DIS3L2: variants seen among roughly 807,000 people sequenced by gnomAD.
DIS3L2 encodes the protein DIS3 like 3'-5' exoribonuclease 2.
In DIS3L2, 34 loss-of-function variants were observed where a neutral mutation model predicts 97.5. The ratio of observed to expected loss-of-function variants is 0.35; its 90% confidence interval spans 0.27 to 0.46. The LOEUF is 0.46. Ranked by LOEUF, DIS3L2 falls within the 20% of genes least tolerant of loss-of-function variation. DIS3L2 has a pLI of 1.00. For synonymous variants in DIS3L2, 435 were observed against 445.2 expected (o/e 0.98, Z 0.29); for missense variants, 1,038 against 1,146.0 (o/e 0.91, Z 1.36).
chr2:232,159,506 G>C (rs1328943269), intron 8 of DIS3L2, among the ~76,000 whole-genome samples: 1 of 152,170 alleles, frequency 6.6e-6, no homozygotes, highest in Non-Finnish European at 1.5e-5. Context: ...ATAAAGAGAG[G>C]CCAGGCATTA....
intron 9 of DIS3L2, among the ~76,000 whole-genome samples, chr2:232,185,981 C>CT (rs991931579): frequency 1.8e-4 from 27 of 151,102 alleles, no homozygotes; most frequent in African/African-American, 3.4e-4. Flanking sequence ...AAAGCTGGTT[C>CT]TTTTTTTTTA....
chr2:232,171,298 T>C (rs1690983347), intron 9 of DIS3L2, among the ~76,000 whole-genome samples: 1 of 152,228 alleles, frequency 6.6e-6, no homozygotes, highest in African/African-American at 2.4e-5. Flanking sequence ...GAGTTTCTTC[T>C]CATGGATTAT....
At chr2:232,099,177 A>T (rs116135970) in intron 6 of DIS3L2, among the ~76,000 whole-genome samples, 1 of 151,228 alleles carries the variant, frequency 6.6e-6, no homozygotes, top group Non-Finnish European at 1.5e-5. Context: ...TTAAAAATAC[A>T]TGATTGGATT....
chr2:232,053,581 C>A lies in DIS3L2; in HGVS notation c.366+23501C>A, dbSNP rs28729118. Among the ~76,000 whole-genome samples, 1,047 of 152,298 alleles carry A rather than the reference C, an allele frequency of 6.9e-3. 11 individuals are homozygous for A. The highest frequency in any genetic ancestry group is 0.024 in the African/African-American group (1,017 of 41,544). ...CCGGGCTGCCTGTACTTCTGACTGG[C>A]TATTATTTGGGGATTCCCATGGCCC... On this transcript the variant is annotated intron_variant, in intron 5 of 20. Transcript: ENST00000325385.
At chr2:232,247,613 C>CGGG (rs1559173516) in intron 11 of DIS3L2, among the ~76,000 whole-genome samples, 8 of 12,388 alleles carry the variant, frequency 6.5e-4, no homozygotes, top group African/African-American at 2.5e-3. Flanking sequence ...CATATAACTG[C>CGGG]CGCGGGGGGG....
At chr2:232,241,122 G>A (rs1426653410) in intron 11 of DIS3L2, among the ~76,000 whole-genome samples, 1 of 152,208 alleles carries the variant, frequency 6.6e-6, no homozygotes, top group Non-Finnish European at 1.5e-5. Context: ...GCAGCTGTGC[G>A]CTCTGATTCC....
chr2:232,264,395 G>A (rs1023669600), intron 13 of DIS3L2, among the ~76,000 whole-genome samples: 2 of 152,176 alleles, frequency 1.3e-5, no homozygotes, highest in African/African-American at 4.8e-5. Flanking sequence ...CAGCCCTCTG[G>A]GACTTAGGTA....
chr2:232,314,059 C>T (rs974353786), intron 14 of DIS3L2, among the ~76,000 whole-genome samples: 6 of 152,290 alleles, frequency 3.9e-5, no homozygotes, highest in Non-Finnish European at 4.4e-5. Flanking sequence ...CCATATGACA[C>T]TATCACCTGC....
intron 11 of DIS3L2, among the ~76,000 whole-genome samples, chr2:232,243,291 T>A (rs889220926): frequency 1.3e-5 from 2 of 152,100 alleles, no homozygotes; most frequent in African/African-American, 4.8e-5. Context: ...CAGTTTGGAA[T>A]TCTTGGGGTG....
chr2:232,323,316 G>C (rs972239888), intron 14 of DIS3L2, among the ~76,000 whole-genome samples: 2 of 152,228 alleles, frequency 1.3e-5, no homozygotes, highest in African/African-American at 2.4e-5. Context: ...ATGCTGACAA[G>C]GGCCTTCTGC....
At chr2:232,086,203 A>G (rs980163894) in intron 5 of DIS3L2, among the ~76,000 whole-genome samples, 5 of 151,950 alleles carry the variant, frequency 3.3e-5, no homozygotes, top group African/African-American at 9.7e-5. Context: ...ATAGACGTGT[A>G]TACGTATATA....
chr2:232,249,639 G>A (rs150690569), intron 12 of DIS3L2, among the ~76,000 whole-genome samples: 71 of 152,346 alleles, frequency 4.7e-4, no homozygotes, highest in African/African-American at 1.5e-3. Flanking sequence ...GAGACAGGGT[G>A]TAAGTGGGAT....
chr2:232,200,508 C>T (rs1392801798), intron 9 of DIS3L2, among the ~76,000 whole-genome samples: 1 of 151,912 alleles, frequency 6.6e-6, no homozygotes, highest in African/African-American at 2.4e-5. Flanking sequence ...AGGGCTCCCA[C>T]CAGCCTAATT....
intron 9 of DIS3L2, among the ~76,000 whole-genome samples, chr2:232,206,229 T>A (rs1692022620): frequency 6.6e-6 from 1 of 152,230 alleles, no homozygotes; most frequent in South Asian, 2.1e-4. Flanking sequence ...CTCCTCGAAG[T>A]CCTACAGTTA....
At chr2:232,318,378 C>T (rs1054458363) in intron 14 of DIS3L2, among the ~76,000 whole-genome samples, 1 of 152,248 alleles carries the variant, frequency 6.6e-6, no homozygotes, top group African/African-American at 2.4e-5. Flanking sequence ...TGTTCTCTGG[C>T]CCAGTTGTAA....
At chr2:232,109,304 G>A (rs1304256453) in intron 6 of DIS3L2, among the ~76,000 whole-genome samples, 4 of 152,062 alleles carry the variant, frequency 2.6e-5, no homozygotes, top group Non-Finnish European at 4.4e-5. Context: ...AAATTAGCTC[G>A]GTGGCACACA....
chr2:232,261,653 G>A (rs549250219), intron 12 of DIS3L2, among the ~76,000 whole-genome samples: 1 of 152,294 alleles, frequency 6.6e-6, no homozygotes, highest in South Asian at 2.1e-4. Context: ...CCTTTGCAGT[G>A]TGACTCTGCC....
intron 5 of DIS3L2, among the ~76,000 whole-genome samples, chr2:232,032,968 A>G (rs1237454787): frequency 6.6e-6 from 1 of 152,186 alleles, no homozygotes; most frequent in African/African-American, 2.4e-5. Flanking sequence ...TGTCTTGGCT[A>G]TATGGGCTCT....
chr2:232,186,177 C>T (rs921410037), intron 9 of DIS3L2, among the ~76,000 whole-genome samples: 14 of 151,922 alleles, frequency 9.2e-5, no homozygotes, highest in Admixed American at 2.0e-4. Context: ...AAGCCTTTAG[C>T]GAGATTGATG....
Sources: allele counts gnomAD v4.1 joint callset (sites outside exome capture counted in the v4.1 genomes callset), GRCh38; gene constraint gnomAD v4.1.1; transcripts MANE v1.5; gene names NCBI Gene and HGNC (gene_info 2026-07-23, HGNC 2026-07-21).